Variants in SPAG16 observed in about 807,000 individuals in gnomAD.
SPAG16 encodes sperm-associated antigen 16 protein.
A neutral mutation model predicts 80.4 loss-of-function variants in SPAG16; 86 were observed. That is an observed-to-expected ratio of 1.07 (90% CI 0.90 to 1.28). SPAG16 has a LOEUF of 1.28. SPAG16 is among the 50% of genes most tolerant of loss of function. The probability of loss-of-function intolerance (pLI) is 0.00; values close to 1 mark genes in which losing one functional copy is unlikely to be tolerated. For synonymous variants in SPAG16, 294 were observed against 265.9 expected (o/e 1.11, Z -1.03); for missense variants, 870 against 765.3 (o/e 1.14, Z -1.61).
chr2:213,374,156 C>G (rs530480823), intron 8 of SPAG16, among the ~76,000 whole-genome samples: 43 of 152,202 alleles, frequency 2.8e-4, no homozygotes, highest in African/African-American at 9.2e-4. Context: ...TTGTCTAGAA[C>G]TGGTATCGAA....
At chr2:213,481,366 A>G (rs189828480) in intron 9 of SPAG16, among the ~76,000 whole-genome samples, 2 of 152,080 alleles carry the variant, frequency 1.3e-5, no homozygotes, top group East Asian at 3.9e-4. Flanking sequence ...ATACGTTTTT[A>G]TTGATAAATG....
At chr2:214,241,475 C>T (rs1689478956) in intron 15 of SPAG16, 1 of 151,990 alleles carries the variant, frequency 6.6e-6, no homozygotes, top group Non-Finnish European at 1.5e-5. Context: ...TGAAGGTGCT[C>T]ATCCATTTTC....
intron 13 of SPAG16, among the ~76,000 whole-genome samples, chr2:214,042,207 C>T (rs2049072721): frequency 6.6e-6 from 1 of 151,372 alleles, no homozygotes; most frequent in African/African-American, 2.4e-5. Flanking sequence ...GATTCTCCTG[C>T]TTCAGCCTCC....
At chr2:214,282,097 C>T (rs1264257022) in intron 15 of SPAG16, among the ~76,000 whole-genome samples, 2 of 152,072 alleles carry the variant, frequency 1.3e-5, no homozygotes, top group Non-Finnish European at 2.9e-5. Flanking sequence ...ATAAAGGCTC[C>T]AGAAGTGTAT....
chr2:213,430,404 A>G (rs2070216839), intron 9 of SPAG16, among the ~76,000 whole-genome samples: 3 of 152,218 alleles, frequency 2.0e-5, no homozygotes, highest in Admixed American at 2.0e-4. Context: ...GCGGCCCAGG[A>G]CAGCTTTGAA....
At chr2:213,687,880 A>G (rs2064759944) in intron 10 of SPAG16, among the ~76,000 whole-genome samples, 1 of 152,150 alleles carries the variant, frequency 6.6e-6, no homozygotes. Context: ...ACTCCCATTG[A>G]CAAAAAGATT....
chr2:213,393,500 T>C (rs559689905), intron 9 of SPAG16, among the ~76,000 whole-genome samples: 1 of 152,214 alleles, frequency 6.6e-6, no homozygotes, highest in Non-Finnish European at 1.5e-5. Context: ...TAGGTGGCTC[T>C]AGGTCATTTC....
intron 10 of SPAG16, among the ~76,000 whole-genome samples, chr2:213,686,857 G>T (rs1280130860): frequency 6.6e-6 from 1 of 151,434 alleles, no homozygotes; most frequent in Non-Finnish European, 1.5e-5. Flanking sequence ...CTAAGTTTTT[G>T]TATTTTTAGC....
chr2:213,686,609 T>C (rs2064684673), intron 10 of SPAG16, among the ~76,000 whole-genome samples: 1 of 151,968 alleles, frequency 6.6e-6, no homozygotes, highest in South Asian at 2.1e-4. Flanking sequence ...TGTCTGCCAT[T>C]TAATTGGAAT....
chr2:213,572,409 G>T lies in SPAG16; in HGVS notation c.1070+82319G>T, dbSNP rs1434790973. ...CTTTGATGATGGTGATGTACAGATG[G>T]GTTTTCGGTGTAGATGTCCTTTCTG... On this transcript the variant is annotated intron_variant, in intron 10 of 15. Transcript: ENST00000331683. 3.8e-5 allele frequency among the ~76,000 whole-genome samples: 5 copies of T among 131,878 alleles called. No individual in the cohort carries two copies. In the East Asian group the frequency reaches 1.1e-3, roughly 29 times the overall value. 86.5% of individuals were successfully genotyped at this position (131,878 alleles called of 152,430 possible).
At chr2:214,067,300 C>T (rs575363272) in intron 13 of SPAG16, among the ~76,000 whole-genome samples, 10 of 152,150 alleles carry the variant, frequency 6.6e-5, no homozygotes, top group African/African-American at 2.2e-4. Context: ...AATATGAAGC[C>T]TTTTCAATAT....
intron 10 of SPAG16, among the ~76,000 whole-genome samples, chr2:213,629,537 C>A (rs79146868): frequency 0.062 from 9,398 of 152,158 alleles, 956 homozygotes; most frequent in African/African-American, 0.21. Context: ...TACATATAAA[C>A]AAATCAATTG....
At chr2:213,904,600 CAAAA>C (rs34952255) in intron 11 of SPAG16, among the ~76,000 whole-genome samples, 355 of 89,480 alleles carry the variant, frequency 4.0e-3, no homozygotes, top group African/African-American at 8.4e-3. Context: ...ATAAATTTTG[CAAAA>C]AAAAAAAAAA....
At chr2:213,881,889 A>T (rs1372417628) in intron 11 of SPAG16, among the ~76,000 whole-genome samples, 1 of 152,220 alleles carries the variant, frequency 6.6e-6, no homozygotes, top group Non-Finnish European at 1.5e-5. Flanking sequence ...AGTGATGAGC[A>T]TAGGCATACT....
intron 10 of SPAG16, among the ~76,000 whole-genome samples, chr2:213,834,270 G>A (rs889568915): frequency 2.0e-5 from 3 of 152,112 alleles, no homozygotes; most frequent in Non-Finnish European, 4.4e-5. Flanking sequence ...CAACAGTTTA[G>A]CAGGAGAAAA....
chr2:213,779,110 C>T (rs1470146137), intron 10 of SPAG16, among the ~76,000 whole-genome samples: 1 of 152,182 alleles, frequency 6.6e-6, no homozygotes, highest in African/African-American at 2.4e-5. Flanking sequence ...TAACTTTTCA[C>T]ACTTTAAAGA....
intron 14 of SPAG16, among the ~76,000 whole-genome samples, chr2:214,110,785 C>G (rs1338725317): frequency 6.6e-6 from 1 of 152,232 alleles, no homozygotes; most frequent in East Asian, 1.9e-4. Flanking sequence ...TCTCCACATC[C>G]TCTCCAGCAT....
intron 6 of SPAG16, among the ~76,000 whole-genome samples, chr2:213,344,312 G>A (rs188586364): frequency 2.8e-4 from 42 of 152,140 alleles, no homozygotes; most frequent in African/African-American, 9.4e-4. Context: ...ACTTCACAGC[G>A]TTGGCTATCT....
intron 15 of SPAG16, among the ~76,000 whole-genome samples, chr2:214,273,768 T>C (rs1262259406): frequency 6.6e-6 from 1 of 152,222 alleles, no homozygotes; most frequent in Non-Finnish European, 1.5e-5. Context: ...AGGATTGCCT[T>C]GGCAATGCAG....
Sources: gnomAD v4.1 joint callset for allele counts (sites outside exome capture counted in the v4.1 genomes callset) on GRCh38, gnomAD v4.1.1 for gene constraint, MANE v1.5 for transcripts, NCBI Gene and HGNC (gene_info 2026-07-23, HGNC 2026-07-21) for gene names.